Variants in SHISA9 observed in about 807,000 individuals in gnomAD.
The protein encoded by SHISA9 is protein shisa-9.
In SHISA9, 13 loss-of-function variants were observed where a neutral mutation model predicts 38.0. The observed-to-expected ratio is 0.34, with a 90% CI of 0.22 to 0.54. SHISA9 has a LOEUF of 0.54. Ranked by LOEUF, SHISA9 falls within the 20% of genes least tolerant of loss-of-function variation. The pLI is 0.91. For synonymous variants in SHISA9, 275 were observed against 242.0 expected (o/e 1.14, Z -1.27); for missense variants, 538 against 575.8 (o/e 0.93, Z 0.67).
chr16:13,134,705 AGGTGTTT>A (rs1217064853), intron 2 of SHISA9, among the ~76,000 whole-genome samples: 1 of 151,990 alleles, frequency 6.6e-6, no homozygotes, highest in Non-Finnish European at 1.5e-5. Flanking sequence ...AGTTGATGAG[AGGTGTTT>A]CAGTCAGTCT....
chr16:13,389,574 A>G, the SHISA9 span, among the ~76,000 whole-genome samples: 3 of 152,162 alleles, frequency 2.0e-5, no homozygotes, highest in African/African-American at 4.8e-5. Context: ...ACTGAAGGAT[A>G]TAGATATTTT....
chr16:13,017,377 C>T (rs748790142), intron 2 of SHISA9, among the ~76,000 whole-genome samples: 22 of 152,266 alleles, frequency 1.4e-4, no homozygotes, highest in Non-Finnish European at 2.1e-4. Flanking sequence ...CCCAATTTAT[C>T]TCATTATCAC....
At chr16:13,200,409 A>AACACACACATACACAC (rs2050993374) in intron 2 of SHISA9, among the ~76,000 whole-genome samples, 1 of 136,524 alleles carries the variant, frequency 7.3e-6, no homozygotes, top group African/African-American at 3.0e-5. Flanking sequence ...TATATCATGA[A>AACACACACATACACAC]ACACACACAC....
the SHISA9 span, among the ~76,000 whole-genome samples, chr16:13,463,699 G>A: frequency 5.3e-5 from 8 of 152,262 alleles, no homozygotes; most frequent in South Asian, 2.1e-4. Flanking sequence ...GTTTGGCAGC[G>A]CCCTCATGGT....
the SHISA9 span, among the ~76,000 whole-genome samples, chr16:13,469,363 GAAAAAGAAAGAAAGAAAGAAAGA>G: frequency 1.9e-5 from 1 of 52,078 alleles, no homozygotes; most frequent in East Asian, 5.8e-4. Context: ...AGAAAGAAAA[GAAAAAGAAAGAAAGAAAGAAAGA>G]AAGAAAGAAA....
the SHISA9 span, among the ~76,000 whole-genome samples, chr16:13,461,579 C>CAA: frequency 3.2e-3 from 407 of 126,156 alleles, 4 homozygotes; most frequent in Middle Eastern, 0.016. Flanking sequence ...AACTCCCTCT[C>CAA]AAAAAAAAAA....
the SHISA9 span, among the ~76,000 whole-genome samples, chr16:13,520,030 A>G: frequency 2.0e-5 from 3 of 152,184 alleles, no homozygotes; most frequent in African/African-American, 4.8e-5. Context: ...TCCAGATGGA[A>G]GAAGGCCCAG....
At position 12,976,978 on chromosome 16, in the gene SHISA9, T is replaced by C. The variant is rs538885199; in HGVS notation, c.691+60163T>C. 2.6e-5 allele frequency among the ~76,000 whole-genome samples: 4 copies of C among 152,256 alleles called. No individual in the cohort carries two copies. The East Asian group carries it at 7.7e-4, about 29-fold the overall frequency. ...GTGGTTTCTCTGGAGGAGGAGAACA[T>C]TGTAAGCTTGAGAGACATGAAAAAA... is the stretch of plus-strand genomic sequence containing the variant. On this transcript the variant is annotated intron_variant, in intron 2 of 4. Transcript: ENST00000558583.
chr16:13,193,224 A>G (rs898178341), intron 2 of SHISA9, among the ~76,000 whole-genome samples: 5 of 152,184 alleles, frequency 3.3e-5, no homozygotes, highest in Admixed American at 1.3e-4. Flanking sequence ...CTGTTATAAC[A>G]TGCTGTGTGG....
the SHISA9 span, among the ~76,000 whole-genome samples, chr16:13,504,642 A>G: frequency 6.6e-6 from 1 of 152,220 alleles, no homozygotes; most frequent in East Asian, 1.9e-4. Flanking sequence ...GGACTAAGAA[A>G]CAGAGGAATT....
At chr16:13,070,742 C>T (rs533927885) in intron 2 of SHISA9, among the ~76,000 whole-genome samples, 238 of 152,248 alleles carry the variant, frequency 1.6e-3, no homozygotes, top group Non-Finnish European at 2.9e-3. Context: ...TGTTATCTTT[C>T]TCCAGGTTTT....
At chr16:13,019,485 T>A (rs75874343) in intron 2 of SHISA9, among the ~76,000 whole-genome samples, 2,803 of 152,050 alleles carry the variant, frequency 0.018, 84 homozygotes, top group African/African-American at 0.064. Context: ...TTTAAAAAAA[T>A]TATTATTGTG....
intron 2 of SHISA9, among the ~76,000 whole-genome samples, chr16:13,121,832 T>TACACACACACACACACACAC (rs55727441): frequency 7.4e-6 from 1 of 134,820 alleles, no homozygotes; most frequent in African/African-American, 2.7e-5. Flanking sequence ...TATACACACA[T>TACACACACACACACACACAC]ACACACACAC....
At chr16:13,116,037 A>G (rs2074028093) in intron 2 of SHISA9, among the ~76,000 whole-genome samples, 1 of 152,146 alleles carries the variant, frequency 6.6e-6, no homozygotes, top group South Asian at 2.1e-4. Flanking sequence ...ATTCTGCCTT[A>G]TGATTGCGAT....
chr16:13,158,648 T>G (rs1175801769), intron 2 of SHISA9, among the ~76,000 whole-genome samples: 3 of 152,242 alleles, frequency 2.0e-5, no homozygotes, highest in South Asian at 4.2e-4. Context: ...CAAGGGAGGC[T>G]GGGAAAGCAA....
Position 13,215,617 on chromosome 16 carries a change from G to A in SHISA9, c.895+2317G>A, listed in dbSNP as rs575099334. Among the ~76,000 whole-genome samples the A allele has an allele frequency of 1.2e-3, 178 of 152,244 alleles. 1 individual carries two copies. Among genetic ancestry groups the A allele is most frequent in the African/African-American group, 4.1e-3 (172 of 41,550 alleles). On this transcript the variant is annotated intron_variant, in intron 4 of 4. Coordinates refer to ENST00000558583, the MANE Select transcript of SHISA9 (RefSeq NM_001145204.3). ...TCCTTATATCATCCTTTTGTTGTCAGATGCATTTAGAACATATTTCAGTTT... is the reference window on the plus strand; with the variant it reads ...TCCTTATATCATCCTTTTGTTGTCAAATGCATTTAGAACATATTTCAGTTT...
intron 2 of SHISA9, among the ~76,000 whole-genome samples, chr16:13,072,079 C>T (rs1028593120): frequency 6.6e-6 from 1 of 152,240 alleles, no homozygotes; most frequent in African/African-American, 2.4e-5. Context: ...AAATGATTCC[C>T]TGCCCCTGGT....
chr16:13,360,761 C>G, the SHISA9 span, among the ~76,000 whole-genome samples: 1 of 152,180 alleles, frequency 6.6e-6, no homozygotes, highest in Non-Finnish European at 1.5e-5. Context: ...GGAATTTACA[C>G]CAACAGGACA....
chr16:13,195,036 T>TTTGTAGATA (rs1426404151), intron 2 of SHISA9, among the ~76,000 whole-genome samples: 3 of 152,216 alleles, frequency 2.0e-5, no homozygotes, highest in Admixed American at 6.5e-5. Context: ...TCTGTAAATT[T>TTTGTAGATA]TTGTAGATAT....
Sources: allele counts gnomAD v4.1 joint callset (sites outside exome capture counted in the v4.1 genomes callset), GRCh38; gene constraint gnomAD v4.1.1; transcripts MANE v1.5; gene names NCBI Gene and HGNC (gene_info 2026-07-23, HGNC 2026-07-21).